AKAP6: variants seen among roughly 807,000 people sequenced by gnomAD.
AKAP6 encodes A-kinase anchor protein 6.
AKAP6 carries 58 observed loss-of-function variants against 188.5 expected under a neutral mutation model. The ratio of observed to expected loss-of-function variants is 0.31; its 90% CI spans 0.25 to 0.38. The LOEUF is 0.38. AKAP6 is among the 10% of genes least tolerant of loss of function. The pLI is 1.00. For missense variants in AKAP6, 2,710 were observed against 2,740.0 expected (o/e 0.99, Z 0.24); for synonymous variants, 989 against 998.6 (o/e 0.99, Z 0.18).
At chr14:32,750,155 T>C (rs1221335050) in intron 11 of AKAP6, among the ~76,000 whole-genome samples, 1 of 152,194 alleles carries the variant, frequency 6.6e-6, no homozygotes, top group Non-Finnish European at 1.5e-5. Context: ...TTTTGCTACA[T>C]GGAATGTTAT....
At chr14:32,807,257 T>C (rs539265051) in intron 12 of AKAP6, among the ~76,000 whole-genome samples, 42 of 145,576 alleles carry the variant, frequency 2.9e-4, no homozygotes, top group Non-Finnish European at 5.1e-4. Context: ...GTGCAGGAGC[T>C]CAAGGCTGTA....
At chr14:32,410,151 C>CTT (rs892385023) in intron 1 of AKAP6, among the ~76,000 whole-genome samples, 12 of 151,390 alleles carry the variant, frequency 7.9e-5, no homozygotes, top group African/African-American at 2.9e-4. Context: ...CCTTCCCCTC[C>CTT]TTTTTTTTTC....
At chr14:32,577,788 G>A (rs1258940007) in intron 5 of AKAP6, among the ~76,000 whole-genome samples, 1 of 152,052 alleles carries the variant, frequency 6.6e-6, no homozygotes, top group Non-Finnish European at 1.5e-5. Flanking sequence ...GAAAACCATG[G>A]AGGGGAAGTG....
At position 32,823,324 on chromosome 14, in the gene AKAP6, C is replaced by T. The variant is rs757844037; in HGVS notation, c.5511C>T (p.Thr1837=). Residue 1837 remains threonine (T), a synonymous_variant, in exon 13 of 14, where the codon ACC becomes ACT. Coordinates refer to ENST00000280979, the MANE Select transcript of AKAP6 (RefSeq NM_004274.5). ...AAGATATAAGTAGCAGTGAGATGAC[C>T]AATCCCTCTGATACTCTGAATATTG... The part of the protein sequence containing the change: ...GSKDISSSEM[T]NPSDTLNIET... 1 of 1,613,818 alleles carries T rather than the reference C, an allele frequency of 6.2e-7. No individual in the cohort carries two copies. The highest frequency in any genetic ancestry group is 1.7e-5 in the Admixed American group (1 of 59,948).
At position 32,824,520 on chromosome 14, in the gene AKAP6, G is replaced by A. The variant is rs1042660096; in HGVS notation, c.6707G>A (p.Ser2236Asn). The A allele has an allele frequency of 6.2e-7, 1 of 1,613,982 alleles. No homozygotes were observed. Among genetic ancestry groups the A allele is most frequent in the Non-Finnish European group, 8.5e-7 (1 of 1,179,952 alleles). ...KEVNGLPQTS[S>N]GCAENLEFTP... The stretch of plus-strand genomic sequence containing the variant: ...GTGAATGGTTTGCCCCAAACTTCCA[G>A]TGGCTGTGCAGAAAACTTAGAGTTT... Residue 2236 changes from serine (S) to asparagine (N), a missense_variant, in exon 13 of 14, where the codon AGT becomes AAT. Ser to Asn is a conservative substitution (Grantham distance 46, BLOSUM62 1). This residue lies in a region of AKAP6 where 2,473 missense variants were observed against 2,426.1 expected (regional missense o/e 1.02). Coordinates refer to ENST00000280979, the MANE Select transcript of AKAP6 (RefSeq NM_004274.5).
chr14:32,526,378 A>G (rs1397610604), intron 2 of AKAP6, among the ~76,000 whole-genome samples: 1 of 152,076 alleles, frequency 6.6e-6, no homozygotes, highest in African/African-American at 2.4e-5. Context: ...GATGACAGGC[A>G]CCTGCCACCA....
chr14:32,695,703 T>A (rs1313294365), intron 8 of AKAP6, among the ~76,000 whole-genome samples: 2 of 152,170 alleles, frequency 1.3e-5, no homozygotes, highest in African/African-American at 2.4e-5. Context: ...GATCTTTTTG[T>A]TCAAGTGCTG....
chr14:32,704,558 T>A (rs1890737244), intron 9 of AKAP6, among the ~76,000 whole-genome samples: 1 of 152,218 alleles, frequency 6.6e-6, no homozygotes, highest in African/African-American at 2.4e-5. Flanking sequence ...GTCCTGTTTT[T>A]AAATTACTTA....
intron 11 of AKAP6, among the ~76,000 whole-genome samples, chr14:32,751,873 TATCTC>T (rs542961987): frequency 1.7e-3 from 265 of 152,340 alleles, no homozygotes; most frequent in Non-Finnish European, 3.0e-3. Flanking sequence ...AGTACCAACT[TATCTC>T]AGTGCCATGA....
chr14:32,587,821 A>C (rs1226953222), intron 5 of AKAP6, among the ~76,000 whole-genome samples: 2 of 152,156 alleles, frequency 1.3e-5, no homozygotes, highest in African/African-American at 2.4e-5. Context: ...GAGCTTCTCT[A>C]TCTGTATATG....
At chr14:32,577,968 G>A (rs913751725) in intron 5 of AKAP6, among the ~76,000 whole-genome samples, 1 of 152,136 alleles carries the variant, frequency 6.6e-6, no homozygotes, top group Admixed American at 6.6e-5. Flanking sequence ...GAAAAAGCAC[G>A]TGTCATAGGA....
chr14:32,622,060 A>G (rs1303011600), intron 7 of AKAP6, among the ~76,000 whole-genome samples: 1 of 152,148 alleles, frequency 6.6e-6, no homozygotes, highest in Admixed American at 6.6e-5. Context: ...TCATTCCTTA[A>G]TAGAATGTAC....
At chr14:32,700,133 G>A (rs1890564770) in intron 9 of AKAP6, among the ~76,000 whole-genome samples, 1 of 152,180 alleles carries the variant, frequency 6.6e-6, no homozygotes, top group African/African-American at 2.4e-5. Context: ...TCAACGTTTA[G>A]AGAGTTATAG....
intron 12 of AKAP6, among the ~76,000 whole-genome samples, chr14:32,793,726 C>T (rs1293942695): frequency 1.3e-5 from 2 of 151,370 alleles, no homozygotes; most frequent in Non-Finnish European, 2.9e-5. Flanking sequence ...AATATACAGT[C>T]TTTAAACCAT....
At chr14:32,586,365 T>C (rs1371307563) in intron 5 of AKAP6, among the ~76,000 whole-genome samples, 1 of 152,218 alleles carries the variant, frequency 6.6e-6, no homozygotes, top group Non-Finnish European at 1.5e-5. Context: ...TGGTGGCTAA[T>C]GCCTGTAATC....
intron 9 of AKAP6, among the ~76,000 whole-genome samples, chr14:32,731,061 C>T (rs2031150221): frequency 6.6e-6 from 1 of 152,142 alleles, no homozygotes; most frequent in Non-Finnish European, 1.5e-5. Flanking sequence ...TTTGGATACT[C>T]TGACACCCTG....
rs531344375 is a variant in AKAP6 at position 32,568,854 on chromosome 14, C to A, written c.2347-8266C>A. On this transcript the variant is annotated intron_variant, in intron 4 of 13. Coordinates refer to ENST00000280979, the MANE Select transcript of AKAP6 (RefSeq NM_004274.5). This position sits in a 1 kb window ranked among gnomAD's most constrained non-coding sequence, Gnocchi z 6.2. Reference sequence around the variant, plus strand: ...AGTTAATGTTAACCTATTGTTTGTTCCAGTTTATTCCCATTTTTTTATTTG... The same window carrying A: ...AGTTAATGTTAACCTATTGTTTGTTACAGTTTATTCCCATTTTTTTATTTG... Among the ~76,000 whole-genome samples the A allele has an allele frequency of 1.3e-5, 2 of 152,210 alleles. No homozygotes were observed. The highest frequency in any genetic ancestry group is 4.8e-5 in the African/African-American group (2 of 41,546).
intron 7 of AKAP6, among the ~76,000 whole-genome samples, chr14:32,635,113 A>T (rs768827736): frequency 6.6e-6 from 1 of 152,024 alleles, no homozygotes; most frequent in Non-Finnish European, 1.5e-5. Flanking sequence ...TGCCAAGGTC[A>T]AGTTGTATTA....
At chr14:32,543,754 T>C (rs1222108886) in intron 3 of AKAP6, among the ~76,000 whole-genome samples, 1 of 152,170 alleles carries the variant, frequency 6.6e-6, no homozygotes, top group Non-Finnish European at 1.5e-5. Flanking sequence ...TAATATCTAA[T>C]GGGCAGAATA....
Sources: allele counts gnomAD v4.1 joint callset (sites outside exome capture counted in the v4.1 genomes callset), GRCh38; gene constraint gnomAD v4.1.1; regional missense constraint gnomAD v4.1.1; non-coding constraint Gnocchi (gnomAD v3.1); transcripts MANE v1.5; gene names NCBI Gene and HGNC (gene_info 2026-07-23, HGNC 2026-07-21).